Variants in CNTNAP2 observed in about 807,000 individuals in gnomAD.
The protein encoded by CNTNAP2 is contactin-associated protein-like 2.
A neutral mutation model predicts 155.2 loss-of-function variants in CNTNAP2; 98 were observed. That is an observed-to-expected ratio of 0.63 (90% CI 0.54 to 0.75). The LOEUF is 0.75. CNTNAP2 is among the 30% of genes least tolerant of loss of function. CNTNAP2 has a pLI of 0.00. For missense variants in CNTNAP2, 1,727 were observed against 1,688.1 expected (o/e 1.02, Z -0.40); for synonymous variants, 651 against 631.2 (o/e 1.03, Z -0.47).
intron 2 of CNTNAP2, among the ~76,000 whole-genome samples, chr7:146,800,842 C>G (rs1195639400): frequency 6.6e-6 from 1 of 152,014 alleles, no homozygotes; most frequent in Non-Finnish European, 1.5e-5. Flanking sequence ...ACACCCTGCT[C>G]TGATTCTTAC....
intron 1 of CNTNAP2, among the ~76,000 whole-genome samples, chr7:146,336,447 A>G (rs1419488595): frequency 1.3e-5 from 2 of 152,174 alleles, no homozygotes; most frequent in Admixed American, 6.5e-5. Context: ...TAAAACTACA[A>G]ACTTTTAGAA....
intron 9 of CNTNAP2, among the ~76,000 whole-genome samples, chr7:147,340,973 A>G (rs946203294): frequency 1.3e-5 from 2 of 152,034 alleles, no homozygotes; most frequent in Non-Finnish European, 2.9e-5. Flanking sequence ...TCCTCCCTCT[A>G]GGATTCCATA....
chr7:146,493,493 G>C (rs1797169202), intron 1 of CNTNAP2, among the ~76,000 whole-genome samples: 1 of 152,062 alleles, frequency 6.6e-6, no homozygotes, highest in Admixed American at 6.6e-5. Flanking sequence ...TTCCTGGAGT[G>C]ATCTAAAAAG....
intron 3 of CNTNAP2, among the ~76,000 whole-genome samples, chr7:146,946,608 G>A (rs1343095951): frequency 1.3e-5 from 2 of 152,092 alleles, no homozygotes; most frequent in Non-Finnish European, 2.9e-5. Flanking sequence ...AAAGGTTGGT[G>A]CAAAAGTAAT....
intron 2 of CNTNAP2, among the ~76,000 whole-genome samples, chr7:146,776,014 T>G (rs192576288): frequency 2.1e-4 from 32 of 152,168 alleles, no homozygotes; most frequent in Non-Finnish European, 2.9e-5. Flanking sequence ...TGCATAAAGA[T>G]GTTGAAGTAA....
At chr7:147,458,491 G>A (rs1011424162) in intron 10 of CNTNAP2, among the ~76,000 whole-genome samples, 2 of 152,118 alleles carry the variant, frequency 1.3e-5, no homozygotes, top group East Asian at 3.9e-4. Context: ...AAATGAAAAT[G>A]AAGAACTATC....
intron 1 of CNTNAP2, among the ~76,000 whole-genome samples, chr7:146,494,707 C>G (rs1797188652): frequency 6.6e-6 from 1 of 152,092 alleles, no homozygotes; most frequent in Non-Finnish European, 1.5e-5. Context: ...TTAAAGGATT[C>G]CTGGTCAACT....
rs11767828 is a variant in CNTNAP2, at chr7:146,365,029, A to G, written c.97+248056A>G. ...CCCAGGAGAACTTTTAAATTCCATA[A>G]GAAAACTGTATGGTTTTTATTCAGT... On this transcript the variant is annotated intron_variant, in intron 1 of 23. Coordinates refer to ENST00000361727, the MANE Select transcript of CNTNAP2 (RefSeq NM_014141.6). Among the ~76,000 whole-genome samples the G allele has an allele frequency of 3.1e-3, 473 of 152,322 alleles. 3 individuals carry two copies. Among genetic ancestry groups the G allele is most frequent in the Non-Finnish European group, 4.4e-3 (301 of 68,024 alleles).
intron 1 of CNTNAP2, among the ~76,000 whole-genome samples, chr7:146,382,233 G>A (rs1419401516): frequency 6.6e-6 from 1 of 152,172 alleles, no homozygotes; most frequent in Non-Finnish European, 1.5e-5. Context: ...TAGACTTCCA[G>A]ACGTTTGCAT....
intron 3 of CNTNAP2, among the ~76,000 whole-genome samples, chr7:146,959,088 C>T (rs537112536): frequency 2.0e-5 from 3 of 151,974 alleles, no homozygotes; most frequent in African/African-American, 4.8e-5. Context: ...GGCGCCATCT[C>T]GGCTCACTGC....
At chr7:146,269,169 G>A (rs774223892) in intron 1 of CNTNAP2, among the ~76,000 whole-genome samples, 21 of 152,004 alleles carry the variant, frequency 1.4e-4, no homozygotes, top group Admixed American at 1.3e-4. Flanking sequence ...GTCAAACCCC[G>A]TCTCTACTAA....
chr7:147,276,217 C>A (rs1480467895), intron 8 of CNTNAP2, among the ~76,000 whole-genome samples: 1 of 123,864 alleles, frequency 8.1e-6, no homozygotes, highest in Non-Finnish European at 1.7e-5. Flanking sequence ...AGAATGCCTC[C>A]TCCTTAATTT....
At chr7:147,596,777 G>A (rs1435595736) in intron 12 of CNTNAP2, among the ~76,000 whole-genome samples, 1 of 152,116 alleles carries the variant, frequency 6.6e-6, no homozygotes, top group African/African-American at 2.4e-5. Context: ...TCACAGGATG[G>A]AATAGGAGGT....
intron 21 of CNTNAP2, among the ~76,000 whole-genome samples, chr7:148,313,182 A>C (rs1179779952): frequency 6.6e-6 from 1 of 151,374 alleles, no homozygotes; most frequent in African/African-American, 2.4e-5. Flanking sequence ...GCCCTTGAAA[A>C]GAAGGTAATG....
At chr7:146,274,589 G>T (rs1375091712) in intron 1 of CNTNAP2, among the ~76,000 whole-genome samples, 2 of 152,116 alleles carry the variant, frequency 1.3e-5, no homozygotes, top group African/African-American at 4.8e-5. Context: ...TTGTTCACCA[G>T]ACCAGGGAAT....
At chr7:147,906,613 C>A (rs1276773174) in intron 14 of CNTNAP2, among the ~76,000 whole-genome samples, 1 of 151,986 alleles carries the variant, frequency 6.6e-6, no homozygotes, top group Non-Finnish European at 1.5e-5. Flanking sequence ...GTGCCCACCA[C>A]CATGCCCAGC....
intron 1 of CNTNAP2, among the ~76,000 whole-genome samples, chr7:146,621,284 C>A (rs945353084): frequency 6.6e-6 from 1 of 152,076 alleles, no homozygotes. Context: ...AACCAGTTTC[C>A]CCTATTAACT....
chr7:147,558,943 A>G (rs1452965966), intron 11 of CNTNAP2, among the ~76,000 whole-genome samples: 1 of 152,094 alleles, frequency 6.6e-6, no homozygotes, highest in Non-Finnish European at 1.5e-5. Context: ...AGGTTTCACC[A>G]TGTTGGCCAG....
intron 8 of CNTNAP2, among the ~76,000 whole-genome samples, chr7:147,189,080 A>G (rs1802627346): frequency 6.6e-6 from 1 of 152,124 alleles, no homozygotes. Context: ...AGGCACCTAC[A>G]TTCTTTTTTC....
Sources: allele counts gnomAD v4.1 joint callset (sites outside exome capture counted in the v4.1 genomes callset), GRCh38; gene constraint gnomAD v4.1.1; transcripts MANE v1.5; gene names NCBI Gene and HGNC (gene_info 2026-07-23, HGNC 2026-07-21).